TMCC1: variants seen among roughly 807,000 people sequenced by gnomAD.
TMCC1 encodes transmembrane and coiled-coil domains protein 1.
A neutral mutation model predicts 52.4 loss-of-function variants in TMCC1; 15 were observed. That is an observed-to-expected ratio of 0.29 (90% CI 0.19 to 0.44). TMCC1 has a LOEUF of 0.44. Ranked by LOEUF, TMCC1 falls within the 20% of genes least tolerant of loss-of-function variation. The probability of loss-of-function intolerance (pLI) is 1.00; values close to 1 mark genes in which losing one functional copy is unlikely to be tolerated. For missense variants in TMCC1, 503 were observed against 806.0 expected, an observed-to-expected ratio of 0.62 and a Z score of 4.55; for synonymous variants, 279 against 301.9, an observed-to-expected ratio of 0.92 and a Z score of 0.79.
chr3:129,648,603 C>G lies in TMCC1; in HGVS notation c.*2878G>C, dbSNP rs929908631. On this transcript the variant is annotated 3_prime_UTR_variant, in exon 7 of 7. Coordinates refer to ENST00000393238, the MANE Select transcript of TMCC1 (RefSeq NM_001017395.5). ...ACCTGAACAATCACCCAGGCCAACACAGCCAGCTTCACTCACCCAGGCTAG... is the reference window on the plus strand; with the variant it reads ...ACCTGAACAATCACCCAGGCCAACAGAGCCAGCTTCACTCACCCAGGCTAG... The G allele has an allele frequency of 8.5e-5, 13 of 152,164 alleles. No individual in the cohort carries two copies. Among genetic ancestry groups the G allele is most frequent in the East Asian group, 1.9e-4 (1 of 5,192 alleles). 9.4% of individuals were successfully genotyped at this position (152,164 alleles called of 1,614,324 possible).
chr3:129,800,871 G>C (rs2057143454), intron 4 of TMCC1, among the ~76,000 whole-genome samples: 1 of 150,240 alleles, frequency 6.7e-6, no homozygotes, highest in Admixed American at 6.6e-5. Flanking sequence ...AAATGAAATA[G>C]TTACAAGGTA....
rs2086350182 is a variant in TMCC1, at chr3:129,651,860, C to A, written c.1648-65G>T. 1 of 1,528,308 alleles carries A rather than the reference C, an allele frequency of 6.5e-7. No individual in the cohort carries two copies. 94.7% of individuals were successfully genotyped at this position (1,528,308 alleles called of 1,614,324 possible). A position where few individuals can be genotyped will look rare whatever the true frequency, so the allele number is the denominator to read the frequency against. On this transcript the variant is annotated intron_variant, in intron 6 of 6. Coordinates refer to ENST00000393238, the MANE Select transcript of TMCC1 (RefSeq NM_001017395.5). The surrounding 1 kb of genome is among the most constrained non-coding windows in gnomAD (Gnocchi z 5.1). Reference sequence around the variant, plus strand: ...CAAGTATTCTGAGATGCTGACATGCCCCCTGGGCAAGCCAGATGCATCTTG... The same window carrying A: ...CAAGTATTCTGAGATGCTGACATGCACCCTGGGCAAGCCAGATGCATCTTG...
At chr3:129,868,524 C>T (rs1324616151) in intron 2 of TMCC1, among the ~76,000 whole-genome samples, 1 of 152,200 alleles carries the variant, frequency 6.6e-6, no homozygotes, top group African/African-American at 2.4e-5. Context: ...CTGCAACCTC[C>T]ACCTCCTGGG....
rs2060112654 is a variant in TMCC1 at position 129,855,520 on chromosome 3, G to C, written c.-183-22694C>G. 2.0e-5 allele frequency among the ~76,000 whole-genome samples: 3 copies of C among 151,772 alleles called. No individual in the cohort carries two copies. The South Asian group carries it at 6.2e-4, about 32-fold the overall frequency. On this transcript the variant is annotated intron_variant, in intron 2 of 6. Coordinates refer to ENST00000393238, the MANE Select transcript of TMCC1 (RefSeq NM_001017395.5). ...AGAAAAAAAAAACTCAGCAGAAAAA[G>C]GAGAAGAAATGAGGGCAATGTTTGG...
At chr3:129,700,803 C>T (rs1018090349) in intron 4 of TMCC1, among the ~76,000 whole-genome samples, 1 of 152,028 alleles carries the variant, frequency 6.6e-6, no homozygotes, top group African/African-American at 2.4e-5. Context: ...CTTTATTATA[C>T]CACATTTTAA....
At chr3:129,805,036 GTAATA>G (rs2057386891) in intron 4 of TMCC1, among the ~76,000 whole-genome samples, 1 of 152,152 alleles carries the variant, frequency 6.6e-6, no homozygotes, top group South Asian at 2.1e-4. Flanking sequence ...ATGGTTCAAA[GTAATA>G]TTTAAATATA....
At chr3:129,823,271 A>T (rs1303427647) in intron 4 of TMCC1, among the ~76,000 whole-genome samples, 1 of 152,172 alleles carries the variant, frequency 6.6e-6, no homozygotes, top group African/African-American at 2.4e-5. Context: ...GGTTGAAGTG[A>T]GCCGAGATCA....
rs974703301 is a variant in TMCC1, at chr3:129,759,936, T to C, written c.576+67867A>G. On this transcript the variant is annotated intron_variant, in intron 4 of 6. Coordinates refer to ENST00000393238, the MANE Select transcript of TMCC1 (RefSeq NM_001017395.5). ...CGGGGTTTCACCATGTTAGCCAGGA[T>C]GGTCTCGATCTCCTGACCTCGTGAT... 2.0e-5 allele frequency among the ~76,000 whole-genome samples: 3 copies of C among 151,628 alleles called. No individual in the cohort carries two copies. In the East Asian group the frequency reaches 5.8e-4, roughly 29 times the overall value.
chr3:129,667,357 G>A (rs1025610937), intron 5 of TMCC1, among the ~76,000 whole-genome samples: 1 of 151,666 alleles, frequency 6.6e-6, no homozygotes, highest in East Asian at 1.9e-4. Flanking sequence ...ATCTCTATCT[G>A]CTTTATACAG....
At chr3:129,739,454 C>T (rs1457776550) in intron 4 of TMCC1, among the ~76,000 whole-genome samples, 2 of 152,140 alleles carry the variant, frequency 1.3e-5, no homozygotes, top group Non-Finnish European at 2.9e-5. Flanking sequence ...TGAGCCACTG[C>T]GCCTGGCCCA....
At chr3:129,836,319 T>G (rs1305410045) in intron 2 of TMCC1, among the ~76,000 whole-genome samples, 3 of 152,072 alleles carry the variant, frequency 2.0e-5, no homozygotes, top group African/African-American at 7.2e-5. Context: ...AGGGAGAGGG[T>G]AGAAATATAG....
At chr3:129,673,672 G>GTTC (rs2088154122) in intron 4 of TMCC1, among the ~76,000 whole-genome samples, 1 of 152,158 alleles carries the variant, frequency 6.6e-6, no homozygotes, top group Non-Finnish European at 1.5e-5. Context: ...GCAACATGGG[G>GTTC]AAACCCCATC....
chr3:129,679,606 C>A (rs1466208640), intron 4 of TMCC1, among the ~76,000 whole-genome samples: 1 of 152,004 alleles, frequency 6.6e-6, no homozygotes, highest in Non-Finnish European at 1.5e-5. Flanking sequence ...GCCTGGCCTG[C>A]CTTATTTAAA....
chr3:129,733,489 G>A (rs1196502969), intron 4 of TMCC1, among the ~76,000 whole-genome samples: 1 of 152,198 alleles, frequency 6.6e-6, no homozygotes, highest in African/African-American at 2.4e-5. Context: ...TTATTCTGCT[G>A]TCAGGTATAA....
chr3:129,651,493 T>C lies in TMCC1; in HGVS notation c.1950A>G (p.Ser650=). The change falls in exon 7 of 7, where the codon TCA becomes TCG. Residue 650 remains serine (S), a synonymous_variant. Transcript: ENST00000393238. This position sits in a 1 kb window ranked among gnomAD's most constrained non-coding sequence, Gnocchi z 5.1. The part of the protein sequence containing the change: ...ALFSYVERFF[S]SPR ...TTCTGTGCCAGCATCATCTAGGGGA[T>C]GAAAAGAACCGTTCCACATAGCTGA... 1 of 1,613,446 alleles carries C rather than the reference T, an allele frequency of 6.2e-7. No homozygotes were observed.
intron 4 of TMCC1, among the ~76,000 whole-genome samples, chr3:129,706,390 G>C (rs2048248567): frequency 6.6e-6 from 1 of 151,522 alleles, no homozygotes; most frequent in Non-Finnish European, 1.5e-5. Flanking sequence ...ATTTTTAGTA[G>C]AGACAGGGTT....
At chr3:129,775,750 A>G (rs2054987673) in intron 4 of TMCC1, among the ~76,000 whole-genome samples, 1 of 152,220 alleles carries the variant, frequency 6.6e-6, no homozygotes, top group African/African-American at 2.4e-5. Flanking sequence ...GCCGAAATCT[A>G]TCCACCTCTC....
At chr3:129,887,976 G>A (rs996822306) in intron 1 of TMCC1, among the ~76,000 whole-genome samples, 7 of 152,166 alleles carry the variant, frequency 4.6e-5, no homozygotes, top group Admixed American at 1.3e-4. Context: ...TACACGAGAC[G>A]ACTTCAGGAA....
intron 4 of TMCC1, among the ~76,000 whole-genome samples, chr3:129,725,155 C>G (rs2049973927): frequency 6.6e-6 from 1 of 152,146 alleles, no homozygotes; most frequent in African/African-American, 2.4e-5. Flanking sequence ...GCTCTGCCAT[C>G]CAGGCTGAAG....
Sources: allele counts gnomAD v4.1 joint callset (sites outside exome capture counted in the v4.1 genomes callset), GRCh38; gene constraint gnomAD v4.1.1; non-coding constraint Gnocchi (gnomAD v3.1); transcripts MANE v1.5; gene names NCBI Gene and HGNC (gene_info 2026-07-23, HGNC 2026-07-21).